EPG5: variants seen among roughly 807,000 people sequenced by gnomAD.
EPG5 encodes ectopic P-granules 5 autophagy tethering factor, also known as ectopic P granules protein 5 homolog.
EPG5 carries 159 observed loss-of-function variants against 302.7 expected under a neutral mutation model. The ratio of observed to expected loss-of-function variants is 0.53; its 90% CI spans 0.46 to 0.60. The LOEUF is 0.60. Ranked by LOEUF, EPG5 falls within the 20% of genes least tolerant of loss-of-function variation. The pLI, the probability that EPG5 is intolerant of heterozygous loss-of-function variation, is 0.00. For missense variants in EPG5, 2,896 were observed against 3,092.4 expected, an observed-to-expected ratio of 0.94 and a Z score of 1.51; for synonymous variants, 1,158 against 1,136.8, an observed-to-expected ratio of 1.02 and a Z score of -0.37.
At chr18:45,829,054 T>C in the EPG5 span, 4 of 980,932 alleles carry the variant, frequency 4.1e-6, no homozygotes, top group East Asian at 1.1e-4. Context: ...GGGATCACTA[T>C]GGAGGCTGGG....
intron 10 of EPG5, among the ~76,000 whole-genome samples, chr18:45,936,430 G>C (rs2050523329): frequency 1.3e-5 from 2 of 150,654 alleles, no homozygotes; most frequent in Non-Finnish European, 2.9e-5. Context: ...CCCCAAGTCA[G>C]AATCTGCTAA....
chr18:45,880,119 C>T lies in EPG5; in HGVS notation c.5623G>A (p.Ala1875Thr), dbSNP rs748003451. 7.5e-6 allele frequency: 12 copies of T among 1,610,394 alleles called. No individual in the cohort carries two copies. The highest frequency in any genetic ancestry group is 1.3e-5 in the African/African-American group (1 of 74,820). ...GCATCAGAAGAGCTGGGAAGCACGGCGCCCTCGGTGGACGCTGCCCCCTGC... is the reference window on the plus strand; with the variant it reads ...GCATCAGAAGAGCTGGGAAGCACGGTGCCCTCGGTGGACGCTGCCCCCTGC... ...CQQGAASTEGAVLPSSSDALL... is the reference protein window; with the variant it reads ...CQQGAASTEGTVLPSSSDALL... The change falls in exon 32 of 44, where the codon GCC (alanine) becomes ACC (threonine). Residue 1875 changes from alanine (A) to threonine (T), a missense_variant. Ala to Thr is a moderately conservative substitution (Grantham distance 58). Coordinates refer to ENST00000282041, the MANE Select transcript of EPG5 (RefSeq NM_020964.3).
the EPG5 span, chr18:45,825,579 C>A: frequency 1.4e-6 from 1 of 730,536 alleles, no homozygotes; most frequent in Non-Finnish European, 2.3e-6. Context: ...TCCCCAGTTC[C>A]TCCGGCTCCC....
At chr18:45,835,750 A>C in the EPG5 span, among the ~76,000 whole-genome samples, 1 of 152,204 alleles carries the variant, frequency 6.6e-6, no homozygotes, top group South Asian at 2.1e-4. Flanking sequence ...TTCCAGGCAC[A>C]GCTCCCACAG....
chr18:45,896,047 T>A (rs905309402), intron 27 of EPG5, among the ~76,000 whole-genome samples: 2 of 152,234 alleles, frequency 1.3e-5, no homozygotes, highest in Admixed American at 1.3e-4. Context: ...TCCTCTATCT[T>A]GCCCTTTGCC....
At chr18:45,907,212 CA>C (rs1268489954) in intron 24 of EPG5, 2 of 152,074 alleles carry the variant, frequency 1.3e-5, no homozygotes, top group Non-Finnish European at 2.9e-5. Flanking sequence ...TTTAAGGATC[CA>C]AATGAAAGTG....
chr18:45,865,154 C>T (rs1281721138), intron 39 of EPG5, among the ~76,000 whole-genome samples: 2 of 152,172 alleles, frequency 1.3e-5, no homozygotes, highest in Admixed American at 1.3e-4. Flanking sequence ...TTTTGCCACT[C>T]CACTAATAAA....
the EPG5 span, among the ~76,000 whole-genome samples, chr18:45,825,288 G>A: frequency 2.8e-3 from 419 of 149,334 alleles, no homozygotes; most frequent in Non-Finnish European, 5.3e-3. Context: ...TGGAAGAAGG[G>A]AGGGAGAAAG....
chr18:45,842,325 C>A, the EPG5 span: 2 of 798,928 alleles, frequency 2.5e-6, no homozygotes, highest in Non-Finnish European at 4.1e-6. Flanking sequence ...TGCTCAAGGT[C>A]AAGACCCTGC....
chr18:45,929,161 G>C (rs757858200), intron 12 of EPG5, 152 bp from the exon 13 acceptor site: 18 of 756,290 alleles, frequency 2.4e-5, no homozygotes, highest in African/African-American at 3.6e-5. Context: ...CTTCATACAG[G>C]CAACTGTCTA....
intron 29 of EPG5, 69 bp downstream of exon 29, chr18:45,887,682 A>T (rs2049247889): frequency 7.6e-7 from 1 of 1,308,352 alleles, no homozygotes; most frequent in Non-Finnish European, 1.0e-6. Context: ...AATGCTGACT[A>T]TATCCAAAGA....
chr18:45,918,862 T>A (rs2050089422), intron 16 of EPG5, among the ~76,000 whole-genome samples: 1 of 152,194 alleles, frequency 6.6e-6, no homozygotes, highest in Non-Finnish European at 1.5e-5. Context: ...AAAGAGTCAT[T>A]GTACAAGAGT....
intron 39 of EPG5, among the ~76,000 whole-genome samples, chr18:45,860,916 CA>C (rs143288176): frequency 2.0e-5 from 3 of 151,078 alleles, no homozygotes; most frequent in Non-Finnish European, 4.4e-5. Context: ...GGTAATTTTT[CA>C]AAAAAAATTG....
the EPG5 span, among the ~76,000 whole-genome samples, chr18:45,810,364 T>C: frequency 6.6e-6 from 1 of 152,182 alleles, no homozygotes; most frequent in East Asian, 1.9e-4. Flanking sequence ...AATCATTCTA[T>C]GAAGCCAGCA....
intron 11 of EPG5, 121 bp downstream of exon 11, chr18:45,934,688 A>T: frequency 9.1e-7 from 1 of 1,104,018 alleles, no homozygotes; most frequent in Non-Finnish European, 1.3e-6. Flanking sequence ...CAAAATCATT[A>T]CACATGAGTA....
intron 3 of EPG5, 120 bp from the exon 4 acceptor site, chr18:45,951,358 A>G (rs2050905516): frequency 1.6e-6 from 1 of 622,854 alleles, no homozygotes; most frequent in African/African-American, 1.9e-5. Context: ...AGATAAAAGG[A>G]GAAAAGTTAC....
intron 13 of EPG5, among the ~76,000 whole-genome samples, chr18:45,927,780 T>G (rs2050308958): frequency 6.6e-6 from 1 of 152,114 alleles, no homozygotes; most frequent in Admixed American, 6.5e-5. Flanking sequence ...ATGAAATGTC[T>G]GAAATAGGCA....
At chr18:45,837,009 T>C in the EPG5 span, 1 of 1,218,120 alleles carries the variant, frequency 8.2e-7, no homozygotes. Flanking sequence ...TAACCCGGGG[T>C]TAACTGTGTT....
rs757014360 is a variant in EPG5 at position 45,876,229 on chromosome 18, T to C, written c.6049+7A>G. 11 of 1,600,542 alleles carry C rather than the reference T, an allele frequency of 6.9e-6. No individual in the cohort carries two copies. The highest frequency in any genetic ancestry group is 9.4e-6 in the Non-Finnish European group (11 of 1,167,850). ...AACTAAGCAGAGACAGCCTGACATC[T>C]TCCTACCTTTAAAACTCTCATGCAG... On this transcript the variant is annotated splice_region_variant and intron_variant, in intron 35 of 43. Coordinates refer to ENST00000282041, the MANE Select transcript of EPG5 (RefSeq NM_020964.3).
Sources: gnomAD v4.1 joint callset for allele counts (sites outside exome capture counted in the v4.1 genomes callset) on GRCh38, gnomAD v4.1.1 for gene constraint, MANE v1.5 for transcripts, NCBI Gene and HGNC (gene_info 2026-07-23, HGNC 2026-07-21) for gene names.